Variants in FEZF2 observed in about 807,000 individuals in gnomAD.
FEZF2 encodes fez family zinc finger protein 2.
FEZF2 carries 2 observed loss-of-function variants against 32.8 expected under a neutral mutation model. The observed-to-expected ratio is 0.06, with a 90% CI of 0.02 to 0.19. The LOEUF (loss-of-function observed/expected upper bound fraction) is 0.19. Among genes scored for constraint, FEZF2 ranks in the 10% least tolerant of loss-of-function variants. The pLI is 1.00. For missense variants in FEZF2, 516 were observed against 625.4 expected (o/e 0.83, Z 1.87); for synonymous variants, 322 against 284.8 (o/e 1.13, Z -1.32).
chr3:62,371,797 G>T lies in FEZF2; in HGVS notation c.853-130C>A. ...ACCAGAGCCTTTTTCAGTTTGTAAA[G>T]TGCTGCCCAAACTCCTGCTTACACC... On this transcript the variant is annotated intron_variant, in intron 2 of 4. Coordinates refer to ENST00000283268, the MANE Select transcript of FEZF2 (RefSeq NM_018008.4). 5 of 1,443,784 alleles carry T rather than the reference G, an allele frequency of 3.5e-6. 1 individual carries two copies. In the South Asian group the frequency reaches 6.9e-5, roughly 20 times the overall value. The allele number at this position is 1,443,784 out of a possible 1,614,324, so 89.4% of individuals were successfully genotyped here.
chr3:62,371,558 C>T lies in FEZF2; in HGVS notation c.962G>A (p.Cys321Tyr). 6.2e-7 allele frequency: 1 copy of T among 1,613,562 alleles called. No individual in the cohort carries two copies. The highest frequency in any genetic ancestry group is 8.5e-7 in the Non-Finnish European group (1 of 1,179,744). Residue 321 changes from cysteine (C) to tyrosine (Y), a missense_variant, in exon 3 of 5, where the codon TGC becomes TAC. By Grantham distance (194) the Cys-to-Tyr change is radical. This residue lies in a region of FEZF2 where 79 missense variants were observed against 219.4 expected (regional missense o/e 0.36). Coordinates refer to ENST00000283268, the MANE Select transcript of FEZF2 (RefSeq NM_018008.4). ...GKGFRQASTL[C>Y]RHKIIHTQEK... Reference sequence around the variant, plus strand: ...CTGGGTGTGGATAATTTTGTGCCTGCAGAGCGTGCTGGCCTGGCGAAAGCC... The same window carrying T: ...CTGGGTGTGGATAATTTTGTGCCTGTAGAGCGTGCTGGCCTGGCGAAAGCC...
intron 2 of FEZF2, 92 bp downstream of exon 2, chr3:62,371,925 C>G: frequency 6.6e-7 from 1 of 1,504,242 alleles, no homozygotes; most frequent in Non-Finnish European, 8.8e-7. Flanking sequence ...GGGAGCTCCT[C>G]AGCTTGAAAA....
At position 62,372,923 on chromosome 3, in the gene FEZF2, A is replaced by T; in HGVS notation, c.-55T>A. 1 of 1,331,086 alleles carries T rather than the reference A, an allele frequency of 7.5e-7. No homozygotes were observed. The highest frequency in any genetic ancestry group is 9.7e-7 in the Non-Finnish European group (1 of 1,035,080). 82.5% of individuals were successfully genotyped at this position (1,331,086 alleles called of 1,614,324 possible). A position where few individuals can be genotyped will look rare whatever the true frequency, so the allele number is the denominator to read the frequency against. On this transcript the variant is annotated 5_prime_UTR_variant, in exon 2 of 5. It removes the in-frame stop codon of an upstream open reading frame in the 5' UTR. Transcript: ENST00000283268. This position sits in a 1 kb window ranked among gnomAD's most constrained non-coding sequence, Gnocchi z 9.6. ...GGCCAGGGCGCAGCCTCTCTCCTCT[A>T]AGTCTGCATTCCGGAAAAGGCAGGG...
chr3:62,372,001 G>T lies in FEZF2; in HGVS notation c.852+16C>A. 1 of 1,597,694 alleles carries T rather than the reference G, an allele frequency of 6.3e-7. No homozygotes were observed. Among genetic ancestry groups the T allele is most frequent in the Non-Finnish European group, 8.5e-7 (1 of 1,177,964 alleles). ...ATCGCCCCTCCCGGCCCCCCTCGCC[G>T]AACCCTGGGCCTCACCTTGCCGCAC... On this transcript the variant is annotated intron_variant, in intron 2 of 4. Transcript: ENST00000283268. This position sits in a 1 kb window ranked among gnomAD's most constrained non-coding sequence, Gnocchi z 9.6.
In FEZF2 at chr3:62,371,679, C is replaced by T; in HGVS notation, c.853-12G>A. 1 of 1,602,124 alleles carries T rather than the reference C, an allele frequency of 6.2e-7. No individual in the cohort carries two copies. Among genetic ancestry groups the T allele is most frequent in the Non-Finnish European group, 8.5e-7 (1 of 1,172,648 alleles). The stretch of plus-strand genomic sequence containing the variant: ...TGAGCGTTAAACACCTATGGAAAGA[C>T]ATGGGGGGCCTTGTGGTGCGTCTGT... On this transcript the variant is annotated splice_polypyrimidine_tract_variant and intron_variant, in intron 2 of 4. Coordinates refer to ENST00000283268, the MANE Select transcript of FEZF2 (RefSeq NM_018008.4).
In FEZF2 at chr3:62,372,950, G is replaced by A; in HGVS notation, c.-58-24C>T. 1 of 1,279,844 alleles carries A rather than the reference G, an allele frequency of 7.8e-7. No homozygotes were observed. The highest frequency in any genetic ancestry group is 1.0e-6 in the Non-Finnish European group (1 of 994,740). The allele number at this position is 1,279,844 out of a possible 1,614,324, so 79.3% of individuals were successfully genotyped here. A position where few individuals can be genotyped will look rare whatever the true frequency, so the allele number is the denominator to read the frequency against. On this transcript the variant is annotated intron_variant, in intron 1 of 4. Coordinates refer to ENST00000283268, the MANE Select transcript of FEZF2 (RefSeq NM_018008.4). This position sits in a 1 kb window ranked among gnomAD's most constrained non-coding sequence, Gnocchi z 9.6. The stretch of plus-strand genomic sequence containing the variant: ...GTCTGCATTCCGGAAAAGGCAGGGG[G>A]GAAAACTGCAATTTAATAAGCACCT...
Position 62,369,944 on chromosome 3 carries a change from C to CA in FEZF2, c.*138dup, listed in dbSNP as rs1704246215. On this transcript the variant is annotated 3_prime_UTR_variant, in exon 5 of 5. Transcript: ENST00000283268. The surrounding 1 kb of genome is among the most constrained non-coding windows in gnomAD (Gnocchi z 4.2). ...GTCATCGAGGAAACATTTAGCTTTC[C>CA]AAAAATATGCTGGTTTCGATAAATA... 1 of 1,145,094 alleles carries CA rather than the reference C, an allele frequency of 8.7e-7. No individual in the cohort carries two copies. Among genetic ancestry groups the CA allele is most frequent in the East Asian group, 2.6e-5 (1 of 38,282 alleles). 70.9% of individuals were successfully genotyped at this position (1,145,094 alleles called of 1,614,324 possible).
intron 4 of FEZF2, 138 bp downstream of exon 4, chr3:62,371,079 C>T (rs549157447): frequency 3.8e-6 from 5 of 1,314,026 alleles, no homozygotes; most frequent in Admixed American, 3.5e-5. Context: ...CAGGCACAAC[C>T]CGATTCTAAA....
rs1704243782 is a variant in FEZF2 at position 62,369,780 on chromosome 3, G to C, written c.*303C>G. ...TGGCTAGGGGCGCCGCGCTCTTCTG[G>C]GGCGCTCACGGTGACAGGCTGGGGT... On this transcript the variant is annotated 3_prime_UTR_variant, in exon 5 of 5. Coordinates refer to ENST00000283268, the MANE Select transcript of FEZF2 (RefSeq NM_018008.4). The surrounding 1 kb of genome is among the most constrained non-coding windows in gnomAD (Gnocchi z 4.2). 1 of 358,234 alleles carries C rather than the reference G, an allele frequency of 2.8e-6. No homozygotes were observed. The allele number at this position is 358,234 out of a possible 1,614,324, so 22.2% of individuals were successfully genotyped here.
chr3:62,372,289 C>T lies in FEZF2; in HGVS notation c.580G>A (p.Gly194Ser). The T allele has an allele frequency of 6.2e-7, 1 of 1,602,754 alleles. No individual in the cohort carries two copies. The highest frequency in any genetic ancestry group is 8.5e-7 in the Non-Finnish European group (1 of 1,175,486). The change falls in exon 2 of 5, where the codon GGC becomes AGC. Residue 194 changes from glycine to serine, a missense_variant. By Grantham distance (56) the Gly-to-Ser change is moderately conservative (BLOSUM62 0). Coordinates refer to ENST00000283268, the MANE Select transcript of FEZF2 (RefSeq NM_018008.4). The surrounding 1 kb of genome is among the most constrained non-coding windows in gnomAD (Gnocchi z 9.6). ...ELLSGHLFPS[G>S]LLNAQAPAAL... ...GCGGGGGCCTGCGCATTGAGGAGGC[C>T]AGACGGGAAGAGGTGGCCGCTGAGG...
chr3:62,371,104 G>C (rs1040149036), intron 4 of FEZF2, 113 bp downstream of exon 4: 28 of 1,491,134 alleles, frequency 1.9e-5, no homozygotes, highest in Non-Finnish European at 2.5e-5. Context: ...TGCTGCGCCC[G>C]CGCCTGCAGA....
Position 62,372,517 on chromosome 3 carries a change from C to A in FEZF2, c.352G>T (p.Ala118Ser), listed in dbSNP as rs773733664. The change falls in exon 2 of 5, where the codon GCC (alanine) becomes TCC (serine). Residue 118 changes from alanine to serine, a missense_variant. By Grantham distance (99) the Ala-to-Ser change is moderately conservative. Transcript: ENST00000283268. This position sits in a 1 kb window ranked among gnomAD's most constrained non-coding sequence, Gnocchi z 9.6. ...AAGCCGCTGGCGCCGCACACTGGGG[C>A]CCCCCCGCCGCCGCCGCCGCCACCG... ...GGGGGGGGGG[A>S]PVCGASGLCK... is the part of the protein sequence containing the mutation. 4 of 1,303,070 alleles carry A rather than the reference C, an allele frequency of 3.1e-6. No individual in the cohort carries two copies. Among genetic ancestry groups the A allele is most frequent in the Middle Eastern group, 2.4e-4 (1 of 4,182 alleles). 80.7% of individuals were successfully genotyped at this position (1,303,070 alleles called of 1,614,324 possible).
chr3:62,372,618 G>T lies in FEZF2; in HGVS notation c.251C>A (p.Pro84Gln), dbSNP rs374201623. ...CGAGTAACTGAGCAGTGTCTTTGAC[G>T]GCACCTCGTAGCCTAGGGGCTGGAG... The part of the protein sequence containing the change: ...IPLQPLGYEV[P>Q]SKTLLSYSEL... Residue 84 changes from proline to glutamine, a missense_variant, in exon 2 of 5, where the codon CCG becomes CAG. Pro to Gln is a moderately conservative substitution (Grantham distance 76). Transcript: ENST00000283268. This position sits in a 1 kb window ranked among gnomAD's most constrained non-coding sequence, Gnocchi z 9.6. 7 of 1,560,738 alleles carry T rather than the reference G, an allele frequency of 4.5e-6. No individual in the cohort carries two copies. Among genetic ancestry groups the T allele is most frequent in the East Asian group, 2.5e-5 (1 of 40,388 alleles).
chr3:62,370,391 G>A lies in FEZF2; in HGVS notation c.1121-49C>T. ...ACGTGGGGGTATGGAGTAGAATGGT[G>A]GGGAGGAAGAGGCGGGCGTCCCAGG... On this transcript the variant is annotated intron_variant, in intron 4 of 4. Transcript: ENST00000283268. This position sits in a 1 kb window ranked among gnomAD's most constrained non-coding sequence, Gnocchi z 4.2. 1 of 1,594,636 alleles carries A rather than the reference G, an allele frequency of 6.3e-7. No homozygotes were observed. The highest frequency in any genetic ancestry group is 8.6e-7 in the Non-Finnish European group (1 of 1,167,300).
Position 62,372,148 on chromosome 3 carries a change from G to T in FEZF2, c.721C>A (p.Pro241Thr), listed in dbSNP as rs1169666437. The change falls in exon 2 of 5, where the codon CCG becomes ACG. Residue 241 changes from proline to threonine, a missense_variant. Pro to Thr is a conservative substitution (Grantham distance 38). Transcript: ENST00000283268. This position sits in a 1 kb window ranked among gnomAD's most constrained non-coding sequence, Gnocchi z 9.6. ...PYPHKERLPA[P>T]LEQVLKENSA... is the part of the protein sequence containing the mutation. Reference sequence around the variant, plus strand: ...TTTTCCTTCAGTACCTGCTCCAGCGGCGCCGGCAAGCGCTCCTTATGGGGA... The same window carrying T: ...TTTTCCTTCAGTACCTGCTCCAGCGTCGCCGGCAAGCGCTCCTTATGGGGA... 6.3e-7 allele frequency: 1 copy of T among 1,590,242 alleles called. No individual in the cohort carries two copies. The highest frequency in any genetic ancestry group is 8.6e-7 in the Non-Finnish European group (1 of 1,167,730).
Position 62,372,244 on chromosome 3 carries a change from T to G in FEZF2, c.625A>C (p.Lys209Gln). 6.3e-7 allele frequency: 1 copy of G among 1,580,212 alleles called. No individual in the cohort carries two copies. The highest frequency in any genetic ancestry group is 1.8e-5 in the Admixed American group (1 of 54,670). Reference sequence around the variant, plus strand: ...TTGGCGTTCTCCAGCAGAAAGAGCTTGGGGTGAGCAGCCAGGGCGGCGGGG... The same window carrying G: ...TTGGCGTTCTCCAGCAGAAAGAGCTGGGGGTGAGCAGCCAGGGCGGCGGGG... ...QAPAALAAHP[K>Q]LFLLENAKLA... The change falls in exon 2 of 5, where the codon AAG (lysine) becomes CAG (glutamine). Residue 209 changes from lysine (K) to glutamine (Q), a missense_variant. This residue lies in a region of FEZF2 where 408 missense variants were observed against 382.2 expected (regional missense o/e 1.07). Coordinates refer to ENST00000283268, the MANE Select transcript of FEZF2 (RefSeq NM_018008.4). This position sits in a 1 kb window ranked among gnomAD's most constrained non-coding sequence, Gnocchi z 9.6.
rs1704248381 is a variant in FEZF2, at chr3:62,370,084, C to T, written c.1379G>A (p.Ter460=). ...GAAGGAAGGGCAAGGCAGTAGCTCT[C>T]AGCTCTGCACTGTCCTAGTCAGGTC... The part of the protein sequence containing the change: ...AKDLTRTVQS[*] Residue 460 remains the stop codon, a stop_retained_variant, in exon 5 of 5, where the codon TGA becomes TAA. Transcript: ENST00000283268. This position sits in a 1 kb window ranked among gnomAD's most constrained non-coding sequence, Gnocchi z 4.2. The T allele has an allele frequency of 1.2e-6, 2 of 1,613,622 alleles. No individual in the cohort carries two copies. Among genetic ancestry groups the T allele is most frequent in the South Asian group, 2.2e-5 (2 of 91,056 alleles).
In FEZF2 at chr3:62,371,162, C is replaced by T; in HGVS notation, c.1120+55G>A. 1.9e-6 allele frequency: 3 copies of T among 1,613,454 alleles called. No individual in the cohort carries two copies. In the South Asian group the frequency reaches 3.3e-5, roughly 18 times the overall value. Reference sequence around the variant, plus strand: ...CCTCTTTGCCTTCCTGCCAGCCAGCCGCGACCCGAGTCCTGAGGTGAGGTG... The same window carrying T: ...CCTCTTTGCCTTCCTGCCAGCCAGCTGCGACCCGAGTCCTGAGGTGAGGTG... On this transcript the variant is annotated intron_variant, in intron 4 of 4. Coordinates refer to ENST00000283268, the MANE Select transcript of FEZF2 (RefSeq NM_018008.4).
intron 2 of FEZF2, 81 bp from the exon 3 acceptor site, chr3:62,371,748 C>A: frequency 6.5e-7 from 1 of 1,530,298 alleles, no homozygotes; most frequent in African/African-American, 1.4e-5. Flanking sequence ...AGCCTACCTC[C>A]CCCAACCAAC....
Sources: allele counts gnomAD v4.1 joint callset, GRCh38; gene constraint gnomAD v4.1.1; regional missense constraint gnomAD v4.1.1; non-coding constraint Gnocchi (gnomAD v3.1); transcripts MANE v1.5; gene names NCBI Gene and HGNC (gene_info 2026-07-23, HGNC 2026-07-21).